GON4L: variants seen among roughly 807,000 people sequenced by gnomAD.
The protein encoded by GON4L is GON-4-like protein.
In GON4L, 87 loss-of-function variants were observed where a neutral mutation model predicts 211.8. The observed-to-expected ratio is 0.41, with a 90% CI of 0.35 to 0.49. The LOEUF is 0.49. GON4L is among the 20% of genes least tolerant of loss of function. The pLI is 0.15. For synonymous variants in GON4L, 875 were observed against 962.6 expected, an observed-to-expected ratio of 0.91 and a Z score of 1.68; for missense variants, 2,155 against 2,659.5, an observed-to-expected ratio of 0.81 and a Z score of 4.17.
At chr1:155,857,455 C>G (rs972227922), upstream of GON4L, among the ~76,000 whole-genome samples, 3 of 152,252 alleles carry the variant, frequency 2.0e-5, no homozygotes, top group African/African-American at 7.2e-5. Context: ...GGGGGCCAGG[C>G]GCGGTGGCTC....
chr1:155,753,461 C>A, intron 28 of GON4L, 47 bp from the exon 29 acceptor site: 1 of 1,442,978 alleles, frequency 6.9e-7, no homozygotes, highest in Non-Finnish European at 9.7e-7. Flanking sequence ...CTGCCTATGT[C>A]TTTGGTTGGG....
Position 155,834,924 on chromosome 1 carries a change from C to G in GON4L, c.506-7896G>C, listed in dbSNP as rs60923555. ...GAGGGGCGCCTCTGCCCAGCCGCCCCTACTGGGAAGTGAGGAGCCCCTCTG... is the reference window on the plus strand; with the variant it reads ...GAGGGGCGCCTCTGCCCAGCCGCCCGTACTGGGAAGTGAGGAGCCCCTCTG... On this transcript the variant is annotated intron_variant, in intron 2 of 31. Coordinates refer to ENST00000368331, the MANE Select transcript of GON4L (RefSeq NM_001282860.2). Among the ~76,000 whole-genome samples the G allele has an allele frequency of 5.7e-3, 855 of 151,200 alleles. 7 individuals are homozygous for G. Among genetic ancestry groups the G allele is most frequent in the African/African-American group, 0.02 (808 of 40,568 alleles).
intron 12 of GON4L, 124 bp downstream of exon 12, chr1:155,794,926 G>C (rs917679082): frequency 3.4e-5 from 24 of 708,180 alleles, no homozygotes; most frequent in Non-Finnish European, 5.5e-5. Context: ...TCAATAAATG[G>C]GTAAAGGAAA....
Position 155,757,919 on chromosome 1 carries a change from G to C in GON4L, c.5225C>G (p.Ala1742Gly), listed in dbSNP as rs1385109482. 1.0e-5 allele frequency: 4 copies of C among 389,248 alleles called. No individual in the cohort carries two copies. Among genetic ancestry groups the C allele is most frequent in the Admixed American group, 5.6e-5 (1 of 17,846 alleles). The allele number at this position is 389,248 out of a possible 1,614,324, so 24.1% of individuals were successfully genotyped here. Residue 1742 changes from alanine (A) to glycine (G), a missense_variant, in exon 25 of 32, where the codon GCA becomes GGA. Coordinates refer to ENST00000368331, the MANE Select transcript of GON4L (RefSeq NM_001282860.2). ...GGTGATCTCCTGGGGAAGGCAGTCTGCACAGCCTTGGAGGACCTTGATAAT... is the reference window on the plus strand; with the variant it reads ...GGTGATCTCCTGGGGAAGGCAGTCTCCACAGCCTTGGAGGACCTTGATAAT... ...QKIIKVLQGC[A>G]DCLPQEITEL...
At chr1:155,786,938 T>G (rs528016226) in intron 12 of GON4L, among the ~76,000 whole-genome samples, 1 of 146,850 alleles carries the variant, frequency 6.8e-6, no homozygotes, top group South Asian at 2.1e-4. Flanking sequence ...GTTTTTTTTT[T>G]TGAGACGGAG....
chr1:155,831,007 G>A (rs1669707251), intron 2 of GON4L, among the ~76,000 whole-genome samples: 1 of 152,172 alleles, frequency 6.6e-6, no homozygotes, highest in Admixed American at 6.6e-5. Context: ...TGTTTAAAAA[G>A]TAATTTGTGG....
intron 6 of GON4L, among the ~76,000 whole-genome samples, chr1:155,818,725 G>A (rs560279040): frequency 9.2e-5 from 14 of 152,204 alleles, no homozygotes; most frequent in East Asian, 1.9e-4. Flanking sequence ...GATATGGGAC[G>A]GGCACAGTGG....
At position 155,760,428 on chromosome 1, in the gene GON4L, T is replaced by G; in HGVS notation, c.5109+16A>C. ...ACCCAGGAGTCCCAGTGTACTTTTTTTCCCCATTCACTTACTAATCCACAG... is the reference window on the plus strand; with the variant it reads ...ACCCAGGAGTCCCAGTGTACTTTTTGTCCCCATTCACTTACTAATCCACAG... On this transcript the variant is annotated intron_variant, in intron 24 of 31. Transcript: ENST00000368331. 1.3e-6 allele frequency: 2 copies of G among 1,548,620 alleles called. No individual in the cohort carries two copies. Among genetic ancestry groups the G allele is most frequent in the Non-Finnish European group, 1.8e-6 (2 of 1,129,194 alleles).
rs757376194 is a variant in GON4L at position 155,826,974 on chromosome 1, T to G, written c.560A>C (p.Gln187Pro). ...GEIPSLPSGS[Q>P]SAKPVSQPRK... ...GGGCTGGCTTACTGGTTTTGCAGAT[T>G]GGCTGCCTGATGGCAGGGAAGGTAT... Residue 187 changes from glutamine to proline, a missense_variant, in exon 3 of 32, where the codon CAA (glutamine) becomes CCA (proline). By Grantham distance (76) the Gln-to-Pro change is moderately conservative. Around this residue, in one of 6 missense-constraint regions of GON4L, gnomAD observed 313 missense variants for 293.2 expected, o/e 1.07. Coordinates refer to ENST00000368331, the MANE Select transcript of GON4L (RefSeq NM_001282860.2). 1 of 1,614,108 alleles carries G rather than the reference T, an allele frequency of 6.2e-7. No individual in the cohort carries two copies. The highest frequency in any genetic ancestry group is 1.1e-5 in the South Asian group (1 of 91,084).
chr1:155,748,648 G>A, downstream of GON4L: 3 of 1,613,368 alleles, frequency 1.9e-6, no homozygotes, highest in Non-Finnish European at 2.5e-6. Flanking sequence ...TTGGCTCCAG[G>A]CCAGTCCCTT....
At chr1:155,830,340 C>T (rs141090416) in intron 2 of GON4L, among the ~76,000 whole-genome samples, 2,210 of 149,792 alleles carry the variant, frequency 0.015, 62 homozygotes, top group African/African-American at 0.052. Context: ...TGCAATGGCA[C>T]GATCTCAGCT....
At chr1:155,817,283 C>A (rs1193617316) in intron 6 of GON4L, among the ~76,000 whole-genome samples, 1 of 152,150 alleles carries the variant, frequency 6.6e-6, no homozygotes, top group African/African-American at 2.4e-5. Context: ...TGTGAGCCAC[C>A]ACATCTAGCC....
chr1:155,788,033 C>T (rs966935450), intron 12 of GON4L, among the ~76,000 whole-genome samples: 2 of 152,042 alleles, frequency 1.3e-5, no homozygotes, highest in African/African-American at 4.8e-5. Flanking sequence ...ACTCTGTTGC[C>T]CAGGCTGGAG....
At chr1:155,859,105 CA>C (rs1232406779), upstream of GON4L, among the ~76,000 whole-genome samples, 6 of 148,680 alleles carry the variant, frequency 4.0e-5, no homozygotes, top group Admixed American at 6.7e-5. Flanking sequence ...AAATATAAGC[CA>C]AAAAAAAAAG....
intron 2 of GON4L, among the ~76,000 whole-genome samples, chr1:155,834,788 C>T (rs906954778): frequency 3.9e-5 from 6 of 152,194 alleles, no homozygotes; most frequent in Non-Finnish European, 7.3e-5. Context: ...GGGAAGTCCT[C>T]GCCCCTTTTC....
At chr1:155,745,242 C>G (rs1363340893), downstream of GON4L, among the ~76,000 whole-genome samples, 1 of 152,090 alleles carries the variant, frequency 6.6e-6, no homozygotes, top group Non-Finnish European at 1.5e-5. Flanking sequence ...GAGCAAAAGA[C>G]AGACGCCAAT....
chr1:155,855,427 G>A (rs1672181307), intron 1 of GON4L, among the ~76,000 whole-genome samples: 1 of 151,920 alleles, frequency 6.6e-6, no homozygotes, highest in South Asian at 2.1e-4. Context: ...CACGAACATA[G>A]TTCGCTGCAG....
chr1:155,768,952 C>G (rs1217953054), intron 19 of GON4L, among the ~76,000 whole-genome samples: 1 of 152,048 alleles, frequency 6.6e-6, no homozygotes, highest in Non-Finnish European at 1.5e-5. Context: ...ATTTTCTGTG[C>G]ACATCTTTGT....
intron 10 of GON4L, among the ~76,000 whole-genome samples, chr1:155,806,427 C>T (rs1232790777): frequency 6.6e-6 from 1 of 152,052 alleles, no homozygotes; most frequent in African/African-American, 2.4e-5. Context: ...CACGTGTGAG[C>T]CACTGGATCC....
Sources: allele counts gnomAD v4.1 joint callset (sites outside exome capture counted in the v4.1 genomes callset), GRCh38; gene constraint gnomAD v4.1.1; regional missense constraint gnomAD v4.1.1; transcripts MANE v1.5; gene names NCBI Gene and HGNC (gene_info 2026-07-23, HGNC 2026-07-21).